F13A1: variants seen among roughly 807,000 people sequenced by gnomAD.
F13A1 encodes coagulation factor XIII A chain, also known as FSF, A subunit.
Under a neutral mutation model 80.1 loss-of-function variants are expected in F13A1, and 47 were observed. That is an observed-to-expected ratio of 0.59 (90% CI 0.46 to 0.75). The LOEUF (loss-of-function observed/expected upper bound fraction) is 0.75, where lower values mean the gene tolerates loss of function less well. F13A1 is among the 30% of genes least tolerant of loss of function. F13A1 has a pLI of 0.00. For synonymous variants in F13A1, 349 were observed against 344.9 expected, an observed-to-expected ratio of 1.01 and a Z score of -0.13; for missense variants, 817 against 930.4, an observed-to-expected ratio of 0.88 and a Z score of 1.59.
intron 10 of F13A1, among the ~76,000 whole-genome samples, chr6:6,185,855 C>T (rs966931920): frequency 5.9e-5 from 9 of 152,070 alleles, no homozygotes; most frequent in African/African-American, 2.2e-4. Flanking sequence ...AAAAGTGTTC[C>T]TATTTCTCCA....
chr6:6,214,175 G>A (rs1433119205), intron 8 of F13A1, among the ~76,000 whole-genome samples: 76 of 139,944 alleles, frequency 5.4e-4, no homozygotes, highest in African/African-American at 1.6e-3. Context: ...TGCACCAAGC[G>A]GACCTAATAG....
chr6:6,191,448 A>T (rs961060696), intron 10 of F13A1, among the ~76,000 whole-genome samples: 12 of 152,058 alleles, frequency 7.9e-5, no homozygotes, highest in Non-Finnish European at 1.0e-4. Flanking sequence ...GAAATTGGAT[A>T]TTTTTTTCAC....
chr6:6,301,790 C>G (rs1374824426), intron 3 of F13A1, among the ~76,000 whole-genome samples: 1 of 152,154 alleles, frequency 6.6e-6, no homozygotes, highest in Non-Finnish European at 1.5e-5. Context: ...CACAGAGAAC[C>G]AATTACACCA....
chr6:6,199,790 G>C lies in F13A1; in HGVS notation c.1113-2464C>G, dbSNP rs139874482. Among the ~76,000 whole-genome samples, 484 of 152,278 alleles carry C rather than the reference G, an allele frequency of 3.2e-3. 3 individuals are homozygous for C. Among genetic ancestry groups the C allele is most frequent in the Middle Eastern group, 0.014 (4 of 294 alleles). On this transcript the variant is annotated intron_variant, in intron 8 of 14. Transcript: ENST00000264870. ...CGTGGAAGATGGATGGAGAGGCAAG[G>C]CTGGAGATTGAGCTGAGTCCTCCCC...
intron 6 of F13A1, among the ~76,000 whole-genome samples, chr6:6,236,055 C>T (rs1043048736): frequency 1.3e-5 from 2 of 152,066 alleles, no homozygotes; most frequent in Non-Finnish European, 2.9e-5. Flanking sequence ...ACAAGGAGTA[C>T]ATACTGCATG....
chr6:6,158,400 T>C (rs773899330), intron 13 of F13A1, among the ~76,000 whole-genome samples: 3 of 152,130 alleles, frequency 2.0e-5, no homozygotes, highest in South Asian at 2.1e-4. Flanking sequence ...TGTAATATCA[T>C]ACAACAGAGC....
rs765709112 is a variant in F13A1, at chr6:6,151,834, C to T, written c.2024G>A (p.Arg675Lys). ...TTACCGGAACATCTTCTTCATTGGT[C>T]TTGTTACTCCAGGACCATCCAGGTG... Reference protein sequence around the residue: ...WVHLDGPGVTRPMKKMFREIR... With the variant: ...WVHLDGPGVTKPMKKMFREIR... The change falls in exon 14 of 15, where the codon AGA (arginine) becomes AAA (lysine). Residue 675 changes from arginine (R) to lysine (K), a missense_variant. Coordinates refer to ENST00000264870, the MANE Select transcript of F13A1 (RefSeq NM_000129.4). 6.2e-7 allele frequency: 1 copy of T among 1,614,096 alleles called. No individual in the cohort carries two copies. Among genetic ancestry groups the T allele is most frequent in the African/African-American group, 1.3e-5 (1 of 75,034 alleles).
intron 4 of F13A1, among the ~76,000 whole-genome samples, chr6:6,258,547 A>G (rs1311407559): frequency 6.6e-6 from 1 of 152,138 alleles, no homozygotes; most frequent in Non-Finnish European, 1.5e-5. Context: ...CTTTCTAGAA[A>G]CACCTTGTAA....
intron 3 of F13A1, among the ~76,000 whole-genome samples, chr6:6,279,616 G>C (rs1758034089): frequency 1.3e-5 from 2 of 152,106 alleles, no homozygotes; most frequent in African/African-American, 2.4e-5. Flanking sequence ...TCTCTTTCAT[G>C]TTCTCAGTCA....
chr6:6,291,796 T>A (rs377496893), intron 3 of F13A1, among the ~76,000 whole-genome samples: 4 of 152,182 alleles, frequency 2.6e-5, no homozygotes, highest in East Asian at 3.8e-4. Context: ...GCTGACTTGA[T>A]TTACCTTTTT....
At chr6:6,151,287 T>C (rs757867234) in intron 14 of F13A1, among the ~76,000 whole-genome samples, 3 of 151,474 alleles carry the variant, frequency 2.0e-5, no homozygotes, top group Non-Finnish European at 4.4e-5. Flanking sequence ...AAAAAAAACC[T>C]GAATCCAACA....
chr6:6,217,687 TAAATA>T (rs1255889690), intron 8 of F13A1, among the ~76,000 whole-genome samples: 1 of 151,610 alleles, frequency 6.6e-6, no homozygotes, highest in Non-Finnish European at 1.5e-5. Flanking sequence ...ATAATAAAAA[TAAATA>T]AAAATAAAAA....
Position 6,305,497 on chromosome 6 carries a change from C to G in F13A1, c.173G>C (p.Trp58Ser). The G allele has an allele frequency of 6.2e-7, 1 of 1,614,196 alleles. No individual in the cohort carries two copies. The highest frequency in any genetic ancestry group is 1.7e-5 in the Admixed American group (1 of 60,026). ...VTSVHLFKER[W>S]DTNKVDHHTD... Reference sequence around the variant, plus strand: ...GTGGTGGTCCACCTTGTTAGTGTCCCATCTCTCCTTGAACAGGTGAACGCT... The same window carrying G: ...GTGGTGGTCCACCTTGTTAGTGTCCGATCTCTCCTTGAACAGGTGAACGCT... The change falls in exon 3 of 15, where the codon TGG becomes TCG. Residue 58 changes from tryptophan to serine, a missense_variant. Physicochemically the swap from Trp to Ser is radical, Grantham distance 177 (BLOSUM62 -3). Coordinates refer to ENST00000264870, the MANE Select transcript of F13A1 (RefSeq NM_000129.4).
chr6:6,299,796 C>T (rs908312667), intron 3 of F13A1, among the ~76,000 whole-genome samples: 2 of 148,504 alleles, frequency 1.3e-5, no homozygotes, highest in African/African-American at 5.2e-5. Flanking sequence ...TGGTGAGGAA[C>T]TTCATTTCTT....
intron 10 of F13A1, among the ~76,000 whole-genome samples, chr6:6,191,432 G>T (rs951204944): frequency 6.6e-6 from 1 of 152,140 alleles, no homozygotes; most frequent in Admixed American, 6.5e-5. Context: ...CTGGGCATTG[G>T]TGCATGAAAT....
rs776883190 is a variant in F13A1, at chr6:6,243,801, C to T, written c.798+4511G>A. Among the ~76,000 whole-genome samples the T allele has an allele frequency of 6.6e-6, 1 of 152,214 alleles. No individual in the cohort carries two copies. The highest frequency in any genetic ancestry group is 2.4e-5 in the African/African-American group (1 of 41,458). On this transcript the variant is annotated intron_variant, in intron 6 of 14. Coordinates refer to ENST00000264870, the MANE Select transcript of F13A1 (RefSeq NM_000129.4). The surrounding 1 kb of genome is among the most constrained non-coding windows in gnomAD (Gnocchi z 4.2). ...CATGTGTTTCGACACAGATCCTCCACTGGTAATGCCTTGACCCACTGGAGC... is the reference window on the plus strand; with the variant it reads ...CATGTGTTTCGACACAGATCCTCCATTGGTAATGCCTTGACCCACTGGAGC...
intron 3 of F13A1, among the ~76,000 whole-genome samples, chr6:6,277,202 G>A (rs1176489703): frequency 6.5e-5 from 1 of 15,478 alleles, no homozygotes; most frequent in Non-Finnish European, 1.2e-4. Flanking sequence ...CGGGCGTAGT[G>A]GCGGGCGCCT....
chr6:6,280,225 A>T (rs1354892246), intron 3 of F13A1, among the ~76,000 whole-genome samples: 2 of 152,222 alleles, frequency 1.3e-5, no homozygotes, highest in Admixed American at 1.3e-4. Flanking sequence ...TGGAGGAGAC[A>T]GGGTGGTGAA....
chr6:6,191,465 A>G (rs1389424920), intron 10 of F13A1, among the ~76,000 whole-genome samples: 1 of 152,150 alleles, frequency 6.6e-6, no homozygotes, highest in African/African-American at 2.4e-5. Context: ...TCACAACACC[A>G]CACCCTTGCC....
Sources: allele counts gnomAD v4.1 joint callset (sites outside exome capture counted in the v4.1 genomes callset), GRCh38; gene constraint gnomAD v4.1.1; non-coding constraint Gnocchi (gnomAD v3.1); transcripts MANE v1.5; gene names NCBI Gene and HGNC (gene_info 2026-07-23, HGNC 2026-07-21).